The following CKLF variants were observed in gnomAD, a reference collection of about 807,000 sequenced individuals.
CKLF encodes chemokine-like factor.
In CKLF, 16 loss-of-function variants were observed where a neutral mutation model predicts 12.9. The observed-to-expected ratio is 1.24, with a 90% CI of 0.84 to 1.88. The LOEUF is 1.88. Among genes scored for constraint, CKLF ranks in the 40% most tolerant of loss-of-function variants. CKLF has a pLI of 0.00. For synonymous variants in CKLF, 61 were observed against 69.0 expected, an observed-to-expected ratio of 0.88 and a Z score of 0.57; for missense variants, 172 against 188.5, an observed-to-expected ratio of 0.91 and a Z score of 0.51.
rs538296821 is a variant in CKLF at position 66,561,023 on chromosome 16, A to G, written c.238-2099A>G. Among the ~76,000 whole-genome samples the G allele has an allele frequency of 1.1e-4, 16 of 152,278 alleles. No individual in the cohort carries two copies. In the South Asian group the frequency reaches 3.3e-3, roughly 32 times the overall value. ...GAATAGAGTGAGGTCCCTGCAGAGT[A>G]GAATTGGAGCCAGAGCACAGGTGGA... On this transcript the variant is annotated intron_variant, in intron 2 of 3. Coordinates refer to ENST00000264001, the MANE Select transcript of CKLF (RefSeq NM_016951.4).
intron 1 of CKLF, among the ~76,000 whole-genome samples, chr16:66,555,907 A>G (rs1191583725): frequency 2.6e-5 from 4 of 152,168 alleles, no homozygotes; most frequent in Non-Finnish European, 5.9e-5. Flanking sequence ...CAGTGATCTT[A>G]GGTTCCTGGC....
At chr16:66,553,172 C>CA (rs557341545) in intron 1 of CKLF, among the ~76,000 whole-genome samples, 72 of 150,172 alleles carry the variant, frequency 4.8e-4, no homozygotes, top group Middle Eastern at 6.8e-3. Context: ...AAAACAAAAA[C>CA]AAAAAAAAAC....
chr16:66,552,592 G>A lies in CKLF; in HGVS notation c.-124G>A. The A allele has an allele frequency of 1.4e-6, 2 of 1,477,448 alleles. No homozygotes were observed. The highest frequency in any genetic ancestry group is 2.8e-5 in the African/African-American group (2 of 72,058). The allele number at this position is 1,477,448 out of a possible 1,614,324, so 91.5% of individuals were successfully genotyped here. A position where few individuals can be genotyped will look rare whatever the true frequency, so the allele number is the denominator to read the frequency against. ...GCGCAAGAGAGCGGGAAGCCGAGCT[G>A]GGCGAGAAGTAGGGGAGGGCGGTGC... On this transcript the variant is annotated 5_prime_UTR_variant, in exon 1 of 4. Coordinates refer to ENST00000264001, the MANE Select transcript of CKLF (RefSeq NM_016951.4).
chr16:66,552,889 C>A, intron 1 of CKLF, 96 bp downstream of exon 1: 1 of 1,570,038 alleles, frequency 6.4e-7, no homozygotes, highest in South Asian at 1.1e-5. Flanking sequence ...GTTTGCTTTT[C>A]AACCTCGCTT....
At chr16:66,563,022 C>CTT in intron 2 of CKLF, 100 bp from the exon 3 acceptor site, 1 of 1,381,302 alleles carries the variant, frequency 7.2e-7, no homozygotes, top group Non-Finnish European at 1.0e-6. Flanking sequence ...TGCCTGCTGA[C>CTT]TTTGTTTTTT....
chr16:66,564,608 C>T (rs16956720), intron 3 of CKLF, among the ~76,000 whole-genome samples: 1,845 of 151,974 alleles, frequency 0.012, 19 homozygotes, highest in Non-Finnish European at 0.018. Flanking sequence ...GTAGCTGGGA[C>T]TACAGGCATC....
chr16:66,554,867 C>T (rs37178), intron 1 of CKLF, among the ~76,000 whole-genome samples: 54,644 of 152,022 alleles, frequency 0.36, 11,725 homozygotes, highest in Middle Eastern at 0.6. Context: ...GCAAGGAAAC[C>T]AGCGTAACTG....
chr16:66,556,770 G>A (rs1414767335), intron 1 of CKLF, among the ~76,000 whole-genome samples: 2 of 152,110 alleles, frequency 1.3e-5, no homozygotes, highest in Non-Finnish European at 2.9e-5. Context: ...TAAAAGAAAG[G>A]CATATTTATG....
chr16:66,552,579 G>A lies in CKLF; in HGVS notation c.-137G>A. On this transcript the variant is annotated 5_prime_UTR_variant, in exon 1 of 4. Coordinates refer to ENST00000264001, the MANE Select transcript of CKLF (RefSeq NM_016951.4). ...GCCGTGCGCATGCGCGCAAGAGAGC[G>A]GGAAGCCGAGCTGGGCGAGAAGTAG... 2.2e-6 allele frequency: 3 copies of A among 1,391,246 alleles called. No individual in the cohort carries two copies. The highest frequency in any genetic ancestry group is 1.4e-5 in the African/African-American group (1 of 70,030). The allele number at this position is 1,391,246 out of a possible 1,614,324, so 86.2% of individuals were successfully genotyped here. A position where few individuals can be genotyped will look rare whatever the true frequency, so the allele number is the denominator to read the frequency against.
intron 2 of CKLF, among the ~76,000 whole-genome samples, chr16:66,562,839 G>A (rs780596570): frequency 1.2e-4 from 18 of 152,210 alleles, no homozygotes; most frequent in South Asian, 4.1e-4. Flanking sequence ...TTGTGCCTCA[G>A]CCTCCCGAGT....
chr16:66,562,955 C>T, intron 2 of CKLF, 167 bp from the exon 3 acceptor site: 1 of 744,124 alleles, frequency 1.3e-6, no homozygotes, highest in Non-Finnish European at 2.2e-6. Context: ...CTCCAGGCTT[C>T]AAGTGATCTG....
chr16:66,552,689 A>C lies in CKLF; in HGVS notation c.-27A>C. 1.9e-6 allele frequency: 3 copies of C among 1,614,116 alleles called. No homozygotes were observed. Among genetic ancestry groups the C allele is most frequent in the Non-Finnish European group, 2.5e-6 (3 of 1,180,020 alleles). On this transcript the variant is annotated 5_prime_UTR_variant, in exon 1 of 4. Coordinates refer to ENST00000264001, the MANE Select transcript of CKLF (RefSeq NM_016951.4). The stretch of plus-strand genomic sequence containing the variant: ...AGCCAGCTGAGAAGAGTTGAGGGAA[A>C]GTGCTGCTGCTGGGTCTGCAGACGC...
At chr16:66,560,128 G>A (rs1014929478) in intron 2 of CKLF, among the ~76,000 whole-genome samples, 3 of 152,178 alleles carry the variant, frequency 2.0e-5, no homozygotes, top group Non-Finnish European at 2.9e-5. Flanking sequence ...AACGTAGTTA[G>A]CAGATGACTG....
chr16:66,552,865 A>T, intron 1 of CKLF, 72 bp downstream of exon 1: 1 of 1,605,310 alleles, frequency 6.2e-7, no homozygotes, highest in Non-Finnish European at 8.5e-7. Flanking sequence ...TGTGAAGTGC[A>T]AAGCTGAACG....
At chr16:66,555,486 A>G (rs1229969189) in intron 1 of CKLF, among the ~76,000 whole-genome samples, 1 of 152,234 alleles carries the variant, frequency 6.6e-6, no homozygotes, top group Non-Finnish European at 1.5e-5. Flanking sequence ...GAGGAGTCCA[A>G]GACAGCTTCT....
chr16:66,552,747 G>GCCC lies in CKLF; in HGVS notation c.34_36dup (p.Pro12dup). 6.2e-7 allele frequency: 1 copy of GCCC among 1,614,154 alleles called. No homozygotes were observed. The highest frequency in any genetic ancestry group is 1.1e-5 in the South Asian group (1 of 91,082). On this transcript the variant is annotated inframe_insertion, in exon 1 of 4. Coordinates refer to ENST00000264001, the MANE Select transcript of CKLF (RefSeq NM_016951.4). ...AACGTGCAGCCGAAAATAAAACATCGCCCCTTCTGCTTCAGTGTGAAAGGC... is the reference window on the plus strand; with the variant it reads ...AACGTGCAGCCGAAAATAAAACATCGCCCCCCCTTCTGCTTCAGTGTGAAAGGC...
chr16:66,553,137 G>T (rs568764476), intron 1 of CKLF, among the ~76,000 whole-genome samples: 1 of 152,260 alleles, frequency 6.6e-6, no homozygotes, highest in African/African-American at 2.4e-5. Flanking sequence ...ACAAGCCTAG[G>T]CGACAGAGAG....
Position 66,561,117 on chromosome 16 carries a change from G to T in CKLF, c.238-2005G>T, listed in dbSNP as rs543899745. Among the ~76,000 whole-genome samples the T allele has an allele frequency of 2.4e-4, 36 of 152,198 alleles. No individual in the cohort carries two copies. The South Asian group carries it at 3.7e-3, about 16-fold the overall frequency. ...GGCTGACTGTTCCAATTAATCTGTA[G>T]GTGGGGAAAAGGTAACTTAGAAGTA... is the stretch of plus-strand genomic sequence containing the variant. On this transcript the variant is annotated intron_variant, in intron 2 of 3. Transcript: ENST00000264001.
At chr16:66,565,201 C>A (rs2012135307) in intron 3 of CKLF, among the ~76,000 whole-genome samples, 1 of 152,138 alleles carries the variant, frequency 6.6e-6, no homozygotes, top group Non-Finnish European at 1.5e-5. Context: ...GCCAAACTTC[C>A]TGATGACTGG....
Sources: gnomAD v4.1 joint callset for allele counts (sites outside exome capture counted in the v4.1 genomes callset) on GRCh38, gnomAD v4.1.1 for gene constraint, MANE v1.5 for transcripts, NCBI Gene and HGNC (gene_info 2026-07-23, HGNC 2026-07-21) for gene names.